The following UROC1 variants were observed in gnomAD, a reference collection of about 807,000 sequenced individuals.
UROC1 encodes the protein urocanate hydratase 1.
A neutral mutation model predicts 89.5 loss-of-function variants in UROC1; 79 were observed. That is an observed-to-expected ratio of 0.88 (90% CI 0.74 to 1.06). The LOEUF is 1.06. UROC1 is among the 50% of genes least tolerant of loss of function. UROC1 has a pLI of 0.00. For missense variants in UROC1, 885 were observed against 907.8 expected, an observed-to-expected ratio of 0.97 and a Z score of 0.32; for synonymous variants, 361 against 354.8, an observed-to-expected ratio of 1.02 and a Z score of -0.20.
chr3:126,505,864 G>T lies in UROC1; in HGVS notation c.670-20C>A. 1 of 1,613,076 alleles carries T rather than the reference G, an allele frequency of 6.2e-7. No homozygotes were observed. The highest frequency in any genetic ancestry group is 8.5e-7 in the Non-Finnish European group (1 of 1,179,946). On this transcript the variant is annotated intron_variant, in intron 7 of 19. Transcript: ENST00000290868. ...GGTGAGCTGCAGGGAGAAGAGGTGG[G>T]GGCTCACTGCCCACTCCCAGCCCGC...
At position 126,501,329 on chromosome 3, in the gene UROC1, G is replaced by T. The variant is rs199955635; in HGVS notation, c.903-49C>A. On this transcript the variant is annotated intron_variant, in intron 9 of 19. Coordinates refer to ENST00000290868, the MANE Select transcript of UROC1 (RefSeq NM_144639.3). ...AGGTGCCCCCTGCACCTGTGCATAGGTGCCCCAGACACACCTGCACCCCAG... is the reference window on the plus strand; with the variant it reads ...AGGTGCCCCCTGCACCTGTGCATAGTTGCCCCAGACACACCTGCACCCCAG... 22 of 1,610,690 alleles carry T rather than the reference G, an allele frequency of 1.4e-5. No individual in the cohort carries two copies. In the East Asian group the frequency reaches 3.8e-4, roughly 28 times the overall value.
At chr3:126,508,867 A>G (rs1387140558) in intron 3 of UROC1, among the ~76,000 whole-genome samples, 1 of 152,082 alleles carries the variant, frequency 6.6e-6, no homozygotes, top group African/African-American at 2.4e-5. Flanking sequence ...CCATTCTCAA[A>G]TATGGGCAGC....
chr3:126,503,227 T>C (rs1935978373), intron 9 of UROC1, among the ~76,000 whole-genome samples: 1 of 152,216 alleles, frequency 6.6e-6, no homozygotes, highest in Admixed American at 6.5e-5. Context: ...TAGGTCAAAA[T>C]AGTTCACTGC....
chr3:126,500,236 G>T lies in UROC1; in HGVS notation c.1146-82C>A. The T allele has an allele frequency of 5.7e-6, 8 of 1,402,686 alleles. No homozygotes were observed. The Admixed American group carries it at 1.3e-4, about 22-fold the overall frequency. 86.9% of individuals were successfully genotyped at this position (1,402,686 alleles called of 1,614,324 possible). Reference sequence around the variant, plus strand: ...TGGCACCCTCAGTCGCACCCGCCATGCTCCCCACCAACTTCCAGCCCCACT... The same window carrying T: ...TGGCACCCTCAGTCGCACCCGCCATTCTCCCCACCAACTTCCAGCCCCACT... On this transcript the variant is annotated intron_variant, in intron 11 of 19. Transcript: ENST00000290868.
intron 9 of UROC1, chr3:126,501,787 G>A (rs1935928179): frequency 6.3e-7 from 1 of 1,599,222 alleles, no homozygotes; most frequent in Non-Finnish European, 8.5e-7. Context: ...TGAAAGAGCA[G>A]ATTGAATGCT....
chr3:126,502,100 G>A (rs1370883714), intron 9 of UROC1, among the ~76,000 whole-genome samples: 3 of 152,190 alleles, frequency 2.0e-5, no homozygotes, highest in East Asian at 1.9e-4. Flanking sequence ...GGATGTGCAT[G>A]CATTTGTACA....
chr3:126,483,320 C>T (rs775120624), intron 19 of UROC1, 49 bp downstream of exon 19: 3 of 1,557,862 alleles, frequency 1.9e-6, no homozygotes, highest in East Asian at 4.5e-5. Context: ...GGGGATCACC[C>T]AGCTGAAGGC....
intron 18 of UROC1, among the ~76,000 whole-genome samples, chr3:126,486,645 A>G (rs900150412): frequency 6.6e-6 from 1 of 152,230 alleles, no homozygotes; most frequent in African/African-American, 2.4e-5. Flanking sequence ...AAGTGGAAAC[A>G]TGGGAAGTTC....
At chr3:126,502,074 G>T in intron 9 of UROC1, 1 of 981,892 alleles carries the variant, frequency 1.0e-6, no homozygotes, top group Non-Finnish European at 1.4e-6. Flanking sequence ...ATGTGTATGT[G>T]TGTGTGTTCA....
chr3:126,510,629 T>A, intron 2 of UROC1, 35 bp downstream of exon 2: 1 of 1,611,312 alleles, frequency 6.2e-7, no homozygotes, highest in Non-Finnish European at 8.5e-7. Flanking sequence ...TGCCTGCCCC[T>A]CGGGTCCCTT....
At chr3:126,517,513 C>CA in intron 1 of UROC1, 81 bp downstream of exon 1, 14 of 1,608,038 alleles carry the variant, frequency 8.7e-6, no homozygotes, top group Non-Finnish European at 1.2e-5. Context: ...ACTAAGAGGG[C>CA]AGGAAGCCTG....
chr3:126,503,610 C>T (rs950102825), intron 9 of UROC1, among the ~76,000 whole-genome samples: 9 of 152,216 alleles, frequency 5.9e-5, no homozygotes, highest in Middle Eastern at 3.2e-3. Flanking sequence ...GGTGGCTCTG[C>T]GAGCCCACAC....
intron 18 of UROC1, among the ~76,000 whole-genome samples, chr3:126,485,877 T>C (rs1166885207): frequency 9.9e-5 from 15 of 152,092 alleles, no homozygotes; most frequent in Admixed American, 9.8e-4. Context: ...AGATGGTGGA[T>C]AGAACACAGC....
In UROC1 at chr3:126,492,393, TC is replaced by T. The variant is rs891868702; in HGVS notation, c.1608+24del. The T allele has an allele frequency of 3.1e-6, 5 of 1,605,922 alleles. No individual in the cohort carries two copies. The African/African-American group carries it at 5.4e-5, about 17-fold the overall frequency. ...CAGTGGGAAGAGGCTGAGGGATGCT[TC>T]CCCCAGAGCACAGGACACCTCACCT... is the stretch of plus-strand genomic sequence containing the variant. On this transcript the variant is annotated intron_variant, in intron 16 of 19. Coordinates refer to ENST00000290868, the MANE Select transcript of UROC1 (RefSeq NM_144639.3).
At chr3:126,493,971 T>C (rs1001055821) in intron 15 of UROC1, among the ~76,000 whole-genome samples, 2 of 152,286 alleles carry the variant, frequency 1.3e-5, no homozygotes, top group Middle Eastern at 3.4e-3. Flanking sequence ...TAGCTGCTTC[T>C]TCCTCCCTCA....
At chr3:126,492,204 A>C (rs1935670889) in intron 16 of UROC1, among the ~76,000 whole-genome samples, 1 of 151,912 alleles carries the variant, frequency 6.6e-6, no homozygotes, top group African/African-American at 2.4e-5. Flanking sequence ...CTCCCTAAAG[A>C]GGGGGAAGTT....
chr3:126,512,857 C>T (rs898490334), intron 1 of UROC1, among the ~76,000 whole-genome samples: 10 of 152,218 alleles, frequency 6.6e-5, no homozygotes, highest in African/African-American at 2.2e-4. Flanking sequence ...AAGCATGATT[C>T]AACATCACTA....
At chr3:126,504,643 A>G (rs1314864012) in intron 8 of UROC1, among the ~76,000 whole-genome samples, 1 of 152,198 alleles carries the variant, frequency 6.6e-6, no homozygotes, top group Non-Finnish European at 1.5e-5. Context: ...TATTTACACA[A>G]GCCGCTGTAG....
chr3:126,507,267 T>C (rs1471520218), intron 6 of UROC1, among the ~76,000 whole-genome samples: 3 of 151,908 alleles, frequency 2.0e-5, no homozygotes, highest in Non-Finnish European at 4.4e-5. Flanking sequence ...GTGCATCTTA[T>C]TACATGCAAG....
Sources: allele counts gnomAD v4.1 joint callset (sites outside exome capture counted in the v4.1 genomes callset), GRCh38; gene constraint gnomAD v4.1.1; transcripts MANE v1.5; gene names NCBI Gene and HGNC (gene_info 2026-07-23, HGNC 2026-07-21).